CHN1: variants seen among roughly 807,000 people sequenced by gnomAD.
CHN1 encodes chimerin 1.
Under a neutral mutation model 59.5 loss-of-function variants are expected in CHN1, and 37 were observed. That is an observed-to-expected ratio of 0.62 (90% CI 0.48 to 0.82). CHN1 has a LOEUF of 0.82. Ranked by LOEUF, CHN1 falls within the 40% of genes least tolerant of loss-of-function variation. The pLI, the probability that CHN1 is intolerant of heterozygous loss-of-function variation, is 0.00. For synonymous variants in CHN1, 206 were observed against 200.4 expected, an observed-to-expected ratio of 1.03 and a Z score of -0.24; for missense variants, 469 against 571.0, an observed-to-expected ratio of 0.82 and a Z score of 1.82.
chr2:174,813,837 A>G (rs960636818), intron 8 of CHN1, among the ~76,000 whole-genome samples: 10 of 152,216 alleles, frequency 6.6e-5, no homozygotes, highest in African/African-American at 2.4e-4. Flanking sequence ...TTCTGGCAGA[A>G]AGACGATCCT....
intron 1 of CHN1, among the ~76,000 whole-genome samples, chr2:175,003,388 C>T (rs988393795): frequency 6.6e-6 from 1 of 152,200 alleles, no homozygotes; most frequent in Non-Finnish European, 1.5e-5. Context: ...TCATCTTCAC[C>T]ACAGTGGTTA....
At position 174,941,673 on chromosome 2, in the gene CHN1, A is replaced by G. The variant is rs554111770; in HGVS notation, c.114+3215T>C. On this transcript the variant is annotated intron_variant, in intron 3 of 12. Coordinates refer to ENST00000409900, the MANE Select transcript of CHN1 (RefSeq NM_001822.7). ...AACGTTTGATCATCTACTCCTTATG[A>G]TAATTGTTTTACTGGTCTCTGGTTT... Among the ~76,000 whole-genome samples, 199 of 152,272 alleles carry G rather than the reference A, an allele frequency of 1.3e-3. 2 individuals carry two copies. The highest frequency in any genetic ancestry group is 4.5e-3 in the African/African-American group (185 of 41,556).
chr2:174,990,289 G>A (rs1438926307), intron 1 of CHN1, among the ~76,000 whole-genome samples: 3 of 134,550 alleles, frequency 2.2e-5, no homozygotes, highest in Non-Finnish European at 3.2e-5. Flanking sequence ...GAGAGAGAGC[G>A]CGAGCGCAAG....
chr2:174,915,408 C>T (rs1268057483), intron 4 of CHN1: 2 of 393,820 alleles, frequency 5.1e-6, no homozygotes, highest in East Asian at 3.8e-5. Context: ...AGTTAACAAC[C>T]ATGGAATCAA....
At chr2:174,880,503 G>C (rs558002522) in intron 5 of CHN1, among the ~76,000 whole-genome samples, 140 of 152,214 alleles carry the variant, frequency 9.2e-4, no homozygotes, top group African/African-American at 3.1e-3. Flanking sequence ...GAGAAAGGTG[G>C]GAATGGATGT....
chr2:174,819,997 T>C (rs983913135), intron 8 of CHN1, among the ~76,000 whole-genome samples: 2 of 152,018 alleles, frequency 1.3e-5, no homozygotes, highest in African/African-American at 4.8e-5. Context: ...CATGAACTCA[T>C]TATTTTTTAT....
At chr2:174,947,165 C>T (rs1419973740) in intron 2 of CHN1, among the ~76,000 whole-genome samples, 1 of 152,132 alleles carries the variant, frequency 6.6e-6, no homozygotes, top group African/African-American at 2.4e-5. Flanking sequence ...ACTGTAGTAT[C>T]TGGTTATCAG....
chr2:174,814,721 C>T (rs1435491948), intron 8 of CHN1, among the ~76,000 whole-genome samples: 3 of 152,102 alleles, frequency 2.0e-5, no homozygotes, highest in South Asian at 2.1e-4. Flanking sequence ...TTTTCTATGT[C>T]GTACCTCAAG....
intron 6 of CHN1, among the ~76,000 whole-genome samples, chr2:174,861,268 G>A (rs1687060465): frequency 6.6e-6 from 1 of 152,060 alleles, no homozygotes; most frequent in South Asian, 2.1e-4. Context: ...ATATACATAA[G>A]GCATATATTT....
intron 3 of CHN1, among the ~76,000 whole-genome samples, chr2:174,924,403 T>C (rs1689109266): frequency 6.6e-6 from 1 of 152,192 alleles, no homozygotes; most frequent in African/African-American, 2.4e-5. Context: ...CTATCACCCT[T>C]TGTTAAAATG....
chr2:174,817,131 A>C (rs1685296766), intron 8 of CHN1, among the ~76,000 whole-genome samples: 1 of 152,198 alleles, frequency 6.6e-6, no homozygotes, highest in African/African-American at 2.4e-5. Context: ...ACTCAAAGTT[A>C]TATTTTCCAT....
At chr2:174,979,297 A>G (rs1691058387) in intron 1 of CHN1, among the ~76,000 whole-genome samples, 1 of 152,216 alleles carries the variant, frequency 6.6e-6, no homozygotes, top group South Asian at 2.1e-4. Context: ...TGTTATTGGA[A>G]TTTTTACATA....
At chr2:174,942,156 G>T (rs1386341924) in intron 3 of CHN1, among the ~76,000 whole-genome samples, 1 of 152,116 alleles carries the variant, frequency 6.6e-6, no homozygotes, top group Non-Finnish European at 1.5e-5. Context: ...TCTCATTACT[G>T]GGGTTATATC....
chr2:174,980,488 T>A (rs1463286689), intron 1 of CHN1, among the ~76,000 whole-genome samples: 1 of 152,206 alleles, frequency 6.6e-6, no homozygotes. Flanking sequence ...TTCCCGTTTT[T>A]AAAATTATGA....
chr2:174,873,194 C>T (rs1687463343), intron 6 of CHN1, among the ~76,000 whole-genome samples: 1 of 152,088 alleles, frequency 6.6e-6, no homozygotes, highest in African/African-American at 2.4e-5. Flanking sequence ...GCCTGTTCAT[C>T]CCAGAACAAC....
In CHN1 at chr2:174,807,620, G is replaced by A. The variant is rs138825992; in HGVS notation, c.1102+1285C>T. Among the ~76,000 whole-genome samples, 157 of 152,044 alleles carry A rather than the reference G, an allele frequency of 1.0e-3. 1 individual carries two copies. The highest frequency in any genetic ancestry group is 7.5e-3 in the South Asian group (36 of 4,816). Reference sequence around the variant, plus strand: ...TACAAATTTTCATGATCAGCACTGCGTCCATAAGAGACCTAGAATTTTTCA... The same window carrying A: ...TACAAATTTTCATGATCAGCACTGCATCCATAAGAGACCTAGAATTTTTCA... On this transcript the variant is annotated intron_variant, in intron 11 of 12. Transcript: ENST00000409900.
Position 174,914,008 on chromosome 2 carries a change from C to G in CHN1, c.260+1050G>C, listed in dbSNP as rs575768249. Among the ~76,000 whole-genome samples, 3 of 152,284 alleles carry G rather than the reference C, an allele frequency of 2.0e-5. No individual in the cohort carries two copies. The South Asian group carries it at 6.2e-4, about 32-fold the overall frequency. On this transcript the variant is annotated intron_variant, in intron 5 of 12. Transcript: ENST00000409900. ...TAAATATTCCAAGCCTTTGGTGAGG[C>G]AGCAATGTAGAATGATTAAGAGCAA... is the stretch of plus-strand genomic sequence containing the variant.
chr2:174,864,485 T>C (rs1687156377), intron 6 of CHN1, among the ~76,000 whole-genome samples: 1 of 152,232 alleles, frequency 6.6e-6, no homozygotes, highest in African/African-American at 2.4e-5. Flanking sequence ...ATTTCATTAA[T>C]ATGCAAATAA....
chr2:174,832,031 A>G (rs1381110550), intron 7 of CHN1, among the ~76,000 whole-genome samples: 1 of 152,168 alleles, frequency 6.6e-6, no homozygotes, highest in Non-Finnish European at 1.5e-5. Context: ...ACCAGTCTAC[A>G]ATGTCTTGTG....
Sources: gnomAD v4.1 joint callset for allele counts (sites outside exome capture counted in the v4.1 genomes callset) on GRCh38, gnomAD v4.1.1 for gene constraint, MANE v1.5 for transcripts, NCBI Gene and HGNC (gene_info 2026-07-23, HGNC 2026-07-21) for gene names.